The following NSG1 variants were observed in gnomAD, a reference collection of about 807,000 sequenced individuals.
The protein encoded by NSG1 is neuronal vesicle trafficking associated 1, also known as neuronal vesicle trafficking-associated protein 1.
NSG1 carries 9 observed loss-of-function variants against 19.3 expected under a neutral mutation model. That is an observed-to-expected ratio of 0.47 (90% CI 0.28 to 0.81). NSG1 has a LOEUF of 0.81. NSG1 is among the 40% of genes least tolerant of loss of function. NSG1 has a pLI of 0.11. For missense variants in NSG1, 236 were observed against 242.4 expected, an observed-to-expected ratio of 0.97 and a Z score of 0.18; for synonymous variants, 104 against 107.0, an observed-to-expected ratio of 0.97 and a Z score of 0.17.
Position 4,418,301 on chromosome 4 carries a change from T to G in NSG1, c.*866T>G, listed in dbSNP as rs1724700429. 1 of 152,222 alleles carries G rather than the reference T, an allele frequency of 6.6e-6. No homozygotes were observed. Among genetic ancestry groups the G allele is most frequent in the South Asian group, 2.1e-4 (1 of 4,834 alleles). 9.4% of individuals were successfully genotyped at this position (152,222 alleles called of 1,614,324 possible). A position where few individuals can be genotyped will look rare whatever the true frequency, so the allele number is the denominator to read the frequency against. On this transcript the variant is annotated 3_prime_UTR_variant, in exon 5 of 5. Transcript: ENST00000621129. Reference sequence around the variant, plus strand: ...AATAAATTTGCACCAATAGCCCCATTAGTTTTTAAAGAAATGAGCTGGGTG... The same window carrying G: ...AATAAATTTGCACCAATAGCCCCATGAGTTTTTAAAGAAATGAGCTGGGTG...
chr4:4,400,387 G>C (rs1723488210), intron 3 of NSG1, among the ~76,000 whole-genome samples: 1 of 152,156 alleles, frequency 6.6e-6, no homozygotes, highest in Non-Finnish European at 1.5e-5. Flanking sequence ...TTAAAATTGA[G>C]AACTCCTCCA....
chr4:4,406,339 T>C (rs1207335133), intron 3 of NSG1, among the ~76,000 whole-genome samples: 1 of 152,166 alleles, frequency 6.6e-6, no homozygotes, highest in African/African-American at 2.4e-5. Flanking sequence ...GAAACCCTCT[T>C]CTAACAGGAC....
At chr4:4,402,047 A>ATTT (rs35299425) in intron 3 of NSG1, among the ~76,000 whole-genome samples, 235 of 122,292 alleles carry the variant, frequency 1.9e-3, no homozygotes, top group African/African-American at 6.9e-3. Flanking sequence ...TGCCCAGCTA[A>ATTT]TTTTTTTTTT....
At chr4:4,417,160 T>C (rs934835194) in intron 4 of NSG1, 75 bp from the exon 5 acceptor site, 8 of 1,276,480 alleles carry the variant, frequency 6.3e-6, no homozygotes, top group Non-Finnish European at 9.1e-6. Context: ...TCAGTAACTG[T>C]TGGCTGCCAA....
intron 3 of NSG1, among the ~76,000 whole-genome samples, chr4:4,409,003 A>T (rs1423988033): frequency 6.6e-6 from 1 of 152,216 alleles, no homozygotes; most frequent in East Asian, 1.9e-4. Context: ...AGAAAACCGA[A>T]TCCCTGTCCC....
At chr4:4,403,424 C>T (rs1051275478) in intron 3 of NSG1, among the ~76,000 whole-genome samples, 2 of 152,144 alleles carry the variant, frequency 1.3e-5, no homozygotes, top group Non-Finnish European at 2.9e-5. Flanking sequence ...TCCCGTCCTC[C>T]GCCGTCATAT....
At chr4:4,415,383 A>G (rs1471403011) in intron 4 of NSG1, among the ~76,000 whole-genome samples, 2 of 152,166 alleles carry the variant, frequency 1.3e-5, no homozygotes, top group Non-Finnish European at 2.9e-5. Context: ...CTCCAAGTGC[A>G]GGCCCAGCTG....
intron 3 of NSG1, among the ~76,000 whole-genome samples, chr4:4,396,352 A>G (rs1445013452): frequency 6.6e-6 from 1 of 152,078 alleles, no homozygotes; most frequent in Non-Finnish European, 1.5e-5. Flanking sequence ...GATTCCGGTG[A>G]TGACCGGTTG....
At chr4:4,400,595 T>C (rs970561376) in intron 3 of NSG1, among the ~76,000 whole-genome samples, 3 of 152,240 alleles carry the variant, frequency 2.0e-5, no homozygotes, top group Non-Finnish European at 2.9e-5. Flanking sequence ...AGGGTATCTT[T>C]CCTTTTATTT....
intron 4 of NSG1, among the ~76,000 whole-genome samples, chr4:4,411,779 A>AC (rs1287765369): frequency 0.016 from 1,979 of 120,634 alleles, 53 homozygotes; most frequent in African/African-American, 0.083. Flanking sequence ...AAAACAAAAC[A>AC]AAACAAAACA....
rs62287949 is a variant in NSG1 at position 4,403,169 on chromosome 4, G to A, written c.247-6404G>A. ...TGCCAGATGTGTGAATCACAGCCCT[G>A]CCCTCGGGGGCTCCATCTGTGGGAA... On this transcript the variant is annotated intron_variant, in intron 3 of 4. Coordinates refer to ENST00000621129, the MANE Select transcript of NSG1 (RefSeq NM_014392.5). Among the ~76,000 whole-genome samples, 25 of 152,322 alleles carry A rather than the reference G, an allele frequency of 1.6e-4. No individual in the cohort carries two copies. The South Asian group carries it at 4.6e-3, about 28-fold the overall frequency.
intron 3 of NSG1, among the ~76,000 whole-genome samples, chr4:4,406,546 A>G (rs1723867477): frequency 6.6e-6 from 1 of 152,194 alleles, no homozygotes; most frequent in Admixed American, 6.5e-5. Flanking sequence ...CCGGGTGAAC[A>G]TGCGACGGGG....
At chr4:4,402,539 C>T (rs1577287567) in intron 3 of NSG1, among the ~76,000 whole-genome samples, 1 of 151,838 alleles carries the variant, frequency 6.6e-6, no homozygotes, top group East Asian at 2.0e-4. Context: ...AGGCGTCCGC[C>T]ACTACACCCG....
intron 3 of NSG1, among the ~76,000 whole-genome samples, chr4:4,392,157 T>C (rs111940198): frequency 1.4e-4 from 21 of 149,176 alleles, no homozygotes; most frequent in Non-Finnish European, 4.4e-5. Flanking sequence ...GTATCCTCCA[T>C]CCTTCCCCCC....
rs776422095 is a variant in NSG1 at position 4,387,769 on chromosome 4, C to G, written c.129+11C>G. ...CCGCCCCCGGATAAGGTAAGCCCCC[C>G]CACGCCCCTCCACGTTGCCGGGTGT... On this transcript the variant is annotated intron_variant, in intron 2 of 4. Transcript: ENST00000621129. The G allele has an allele frequency of 3.1e-6, 5 of 1,588,390 alleles. No individual in the cohort carries two copies. The highest frequency in any genetic ancestry group is 4.3e-6 in the Non-Finnish European group (5 of 1,158,336).
chr4:4,414,029 C>T (rs73199813), intron 4 of NSG1, among the ~76,000 whole-genome samples: 23,738 of 151,928 alleles, frequency 0.16, 2,021 homozygotes, highest in African/African-American at 0.2. Flanking sequence ...TCCTGGGGGC[C>T]GGAAGTCCCC....
At chr4:4,391,361 G>A in intron 2 of NSG1, 114 bp from the exon 3 acceptor site, 1 of 685,586 alleles carries the variant, frequency 1.5e-6, no homozygotes, top group South Asian at 1.9e-5. Context: ...TCTCGTTCTT[G>A]TGAATTTCTT....
intron 3 of NSG1, among the ~76,000 whole-genome samples, chr4:4,392,830 A>C (rs1004516973): frequency 6.6e-6 from 1 of 152,070 alleles, no homozygotes; most frequent in African/African-American, 2.4e-5. Flanking sequence ...ACAGATGGGG[A>C]AGTCGAGGCA....
chr4:4,412,707 TA>T (rs1259517392), intron 4 of NSG1, among the ~76,000 whole-genome samples: 1 of 152,186 alleles, frequency 6.6e-6, no homozygotes, highest in East Asian at 1.9e-4. Flanking sequence ...ATACACTCGG[TA>T]GCTGTGGGCT....
Sources: gnomAD v4.1 joint callset for allele counts (sites outside exome capture counted in the v4.1 genomes callset) on GRCh38, gnomAD v4.1.1 for gene constraint, MANE v1.5 for transcripts, NCBI Gene and HGNC (gene_info 2026-07-23, HGNC 2026-07-21) for gene names.